The following TMEM116 variants were observed in gnomAD, a reference collection of about 807,000 sequenced individuals.
The protein encoded by TMEM116 is transmembrane protein 116.
In TMEM116, 38 loss-of-function variants were observed where a neutral mutation model predicts 44.3. The ratio of observed to expected loss-of-function variants is 0.86; its 90% CI spans 0.66 to 1.12. The LOEUF is 1.12. TMEM116 is among the 50% of genes most tolerant of loss of function. The pLI is 0.00. For synonymous variants in TMEM116, 132 were observed against 144.8 expected (o/e 0.91, Z 0.64); for missense variants, 354 against 401.7 (o/e 0.88, Z 1.01).
chr12:111,992,398 T>C lies in TMEM116; in HGVS notation c.79-509A>G, dbSNP rs181798651. 7.9e-4 allele frequency among the ~76,000 whole-genome samples: 120 copies of C among 152,048 alleles called. 1 individual carries two copies. The highest frequency in any genetic ancestry group is 3.4e-3 in the Middle Eastern group (1 of 294). ...CATTCTCCTGCCTCAGCCTCTCAAG[T>C]AGCTGGGACTACAGGCGCCCAGCAC... is the stretch of plus-strand genomic sequence containing the variant. On this transcript the variant is annotated intron_variant, in intron 3 of 10. Transcript: ENST00000552374.
chr12:111,934,618 C>T (rs990299666), intron 8 of TMEM116: 1 of 152,186 alleles, frequency 6.6e-6, no homozygotes, highest in African/African-American at 2.4e-5. Flanking sequence ...ATTAGCCAGT[C>T]GTGGTGGCAT....
chr12:112,009,870 T>TA (rs1284405728), intron 1 of TMEM116, among the ~76,000 whole-genome samples: 2 of 151,816 alleles, frequency 1.3e-5, no homozygotes, highest in African/African-American at 4.8e-5. Flanking sequence ...AAACAAAACC[T>TA]ACTTCTAAAC....
chr12:111,995,713 G>A (rs1481789590), intron 3 of TMEM116, among the ~76,000 whole-genome samples: 2 of 152,076 alleles, frequency 1.3e-5, no homozygotes, highest in African/African-American at 2.4e-5. Flanking sequence ...ACTCCAGCCT[G>A]AGCGACAGAG....
intron 4 of TMEM116, 116 bp from the exon 5 acceptor site, chr12:111,943,485 T>G: frequency 1.3e-6 from 1 of 749,022 alleles, no homozygotes; most frequent in Admixed American, 2.1e-5. Flanking sequence ...CTATTAGTAA[T>G]GTACCATCTA....
chr12:111,942,758 CTGTATGTGTATG>C (rs963222976), intron 5 of TMEM116, among the ~76,000 whole-genome samples: 2 of 151,654 alleles, frequency 1.3e-5, no homozygotes, highest in African/African-American at 4.8e-5. Context: ...ATAATCAAAC[CTGTATGTGTATG>C]TGTGTGTGTG....
intron 4 of TMEM116, among the ~76,000 whole-genome samples, chr12:111,946,054 C>T (rs2073246450): frequency 6.6e-6 from 1 of 152,194 alleles, no homozygotes; most frequent in African/African-American, 2.4e-5. Flanking sequence ...AATTTTCAAC[C>T]ATCTCCTAAA....
chr12:111,982,691 G>T (rs1451468978), intron 4 of TMEM116, among the ~76,000 whole-genome samples: 5 of 152,032 alleles, frequency 3.3e-5, no homozygotes, highest in African/African-American at 9.7e-5. Flanking sequence ...GAATCTAGAA[G>T]GCCACATGCA....
Position 111,991,767 on chromosome 12 carries a change from T to C in TMEM116, c.201A>G (p.Ala67=). The stretch of plus-strand genomic sequence containing the variant: ...GTCTTGTAGCACTCACCTGTCCAAC[T>C]GCTTGTAGGTTATAGCAGATGATGT... ...NKDIICYNLQ[A]VGQIFYISSF... is the part of the protein sequence containing the mutation. Residue 67 remains alanine, a synonymous_variant, in exon 4 of 11, where the codon GCA becomes GCG. Coordinates refer to ENST00000552374, the MANE Select transcript of TMEM116 (RefSeq NM_001193531.2). The C allele has an allele frequency of 1.3e-6, 2 of 1,535,068 alleles. No homozygotes were observed.
At chr12:111,984,188 C>T (rs2076095395) in intron 4 of TMEM116, among the ~76,000 whole-genome samples, 1 of 151,972 alleles carries the variant, frequency 6.6e-6, no homozygotes, top group East Asian at 1.9e-4. Flanking sequence ...AGAAAACTAT[C>T]TCAGCAAAAT....
intron 4 of TMEM116, among the ~76,000 whole-genome samples, chr12:111,978,186 G>A (rs1322323963): frequency 6.6e-6 from 1 of 151,296 alleles, no homozygotes; most frequent in Non-Finnish European, 1.5e-5. Context: ...CAGATCACGA[G>A]GTCAGGAGTT....
intron 3 of TMEM116, among the ~76,000 whole-genome samples, chr12:111,999,749 CAT>C (rs1437041036): frequency 1.3e-5 from 2 of 151,996 alleles, no homozygotes; most frequent in Non-Finnish European, 2.9e-5. Flanking sequence ...TGATTTGAGA[CAT>C]AAAAAAATAA....
chr12:111,932,760 G>T, intron 9 of TMEM116, 101 bp from the exon 10 acceptor site: 1 of 915,880 alleles, frequency 1.1e-6, no homozygotes. Flanking sequence ...GAAACAATAG[G>T]CATAATAAAA....
chr12:111,933,240 CAAAA>C (rs201394868), intron 9 of TMEM116, among the ~76,000 whole-genome samples: 1 of 109,834 alleles, frequency 9.1e-6, no homozygotes, highest in Non-Finnish European at 2.0e-5. Context: ...GACTCTGTCT[CAAAA>C]AAAAAAAAAA....
chr12:111,964,968 C>T (rs1194675577), intron 4 of TMEM116, among the ~76,000 whole-genome samples: 4 of 152,134 alleles, frequency 2.6e-5, no homozygotes, highest in African/African-American at 7.2e-5. Flanking sequence ...GCTGAGATTA[C>T]AGGCATGAAG....
upstream of TMEM116, chr12:112,013,194 TGC>T (rs1178587488): frequency 7.2e-5 from 30 of 419,270 alleles, no homozygotes; most frequent in Non-Finnish European, 1.1e-4. Context: ...ACTCGGCGAG[TGC>T]GCGCGCGCAG....
At chr12:111,996,493 T>A (rs1404588153) in intron 3 of TMEM116, among the ~76,000 whole-genome samples, 1 of 151,982 alleles carries the variant, frequency 6.6e-6, no homozygotes, top group Non-Finnish European at 1.5e-5. Context: ...AAGAAAATAA[T>A]TACACACCCA....
intron 1 of TMEM116, among the ~76,000 whole-genome samples, chr12:112,008,508 C>A (rs1040005449): frequency 2.0e-5 from 3 of 151,332 alleles, no homozygotes; most frequent in African/African-American, 7.3e-5. Context: ...TTAGCAAGTT[C>A]AAACCTATCC....
intron 3 of TMEM116, among the ~76,000 whole-genome samples, chr12:112,000,053 T>G (rs1245034929): frequency 6.6e-6 from 1 of 152,244 alleles, no homozygotes; most frequent in Non-Finnish European, 1.5e-5. Flanking sequence ...TGGTCTGGTC[T>G]CATCATTTAG....
chr12:111,978,586 G>A (rs2075787591), intron 4 of TMEM116: 2 of 197,216 alleles, frequency 1.0e-5, no homozygotes, highest in South Asian at 6.5e-5. Context: ...GCCTTTGGGA[G>A]GCAATTAGCT....
Sources: gnomAD v4.1 joint callset for allele counts (sites outside exome capture counted in the v4.1 genomes callset) on GRCh38, gnomAD v4.1.1 for gene constraint, MANE v1.5 for transcripts, NCBI Gene and HGNC (gene_info 2026-07-23, HGNC 2026-07-21) for gene names.